KCNK10: variants seen among roughly 807,000 people sequenced by gnomAD.
KCNK10 encodes the protein potassium channel subfamily K member 10.
Under a neutral mutation model 47.7 loss-of-function variants are expected in KCNK10, and 25 were observed. The ratio of observed to expected loss-of-function variants is 0.52; its 90% CI spans 0.38 to 0.73. The LOEUF (loss-of-function observed/expected upper bound fraction) is 0.73. Ranked by LOEUF, KCNK10 falls within the 30% of genes least tolerant of loss-of-function variation. The probability of loss-of-function intolerance (pLI) is 0.00; values close to 1 mark genes in which losing one functional copy is unlikely to be tolerated. For synonymous variants in KCNK10, 303 were observed against 285.6 expected (o/e 1.06, Z -0.61); for missense variants, 563 against 714.5 (o/e 0.79, Z 2.42).
intron 4 of KCNK10, among the ~76,000 whole-genome samples, chr14:88,210,619 G>A (rs1436308576): frequency 2.6e-5 from 4 of 152,108 alleles, no homozygotes; most frequent in Non-Finnish European, 5.9e-5. Flanking sequence ...CCAAGCTGAC[G>A]AGTAGGAAGG....
At chr14:88,228,564 T>A (rs918662959) in intron 3 of KCNK10, among the ~76,000 whole-genome samples, 1 of 152,190 alleles carries the variant, frequency 6.6e-6, no homozygotes, top group African/African-American at 2.4e-5. Flanking sequence ...TCTGGGTAAA[T>A]CATGTGGGGC....
chr14:88,230,480 T>C (rs958131771), intron 3 of KCNK10, among the ~76,000 whole-genome samples: 2 of 152,250 alleles, frequency 1.3e-5, no homozygotes, highest in Admixed American at 6.5e-5. Context: ...GACTTGTGCC[T>C]GAGGAGTGCA....
chr14:88,192,927 C>T (rs932885920), intron 4 of KCNK10, among the ~76,000 whole-genome samples: 4 of 152,242 alleles, frequency 2.6e-5, no homozygotes, highest in East Asian at 3.9e-4. Context: ...TTGGATGAAA[C>T]GGAAAACACA....
Position 88,185,569 on chromosome 14 carries a change from G to T in KCNK10, c.1598C>A (p.Pro533Gln), listed in dbSNP as rs145836812. ...GTCTTCAAGTAATGAGTTGTTCTCC[G>T]GCTCCCGGTCTTTGGTGTCCGTGGG... ...MIPTDTKDRE[P>Q]ENNSLLEDRN The change falls in exon 7 of 7, where the codon CCG (proline) becomes CAG (glutamine). Residue 533 changes from proline to glutamine, a missense_variant. Physicochemically the swap from Pro to Gln is moderately conservative, Grantham distance 76. Coordinates refer to ENST00000319231, the MANE Select transcript of KCNK10 (RefSeq NM_138317.3). The surrounding 1 kb of genome is among the most constrained non-coding windows in gnomAD (Gnocchi z 4.3). 6.2e-7 allele frequency: 1 copy of T among 1,613,780 alleles called. No individual in the cohort carries two copies. Among genetic ancestry groups the T allele is most frequent in the Non-Finnish European group, 8.5e-7 (1 of 1,179,836 alleles).
chr14:88,321,430 A>C (rs938042494), intron 1 of KCNK10, among the ~76,000 whole-genome samples: 1 of 152,162 alleles, frequency 6.6e-6, no homozygotes, highest in African/African-American at 2.4e-5. Flanking sequence ...CCCTCACTGT[A>C]AACTCCAAGT....
intron 4 of KCNK10, among the ~76,000 whole-genome samples, chr14:88,196,672 G>A (rs1368761073): frequency 6.6e-6 from 1 of 152,178 alleles, no homozygotes; most frequent in Non-Finnish European, 1.5e-5. Context: ...AGACACTGCG[G>A]TAAAAATCCT....
intron 1 of KCNK10, among the ~76,000 whole-genome samples, chr14:88,296,228 G>A (rs908889087): frequency 1.3e-5 from 2 of 152,124 alleles, no homozygotes; most frequent in African/African-American, 4.8e-5. Context: ...ACTGGAAGTG[G>A]AGCAGACCTT....
chr14:88,264,218 T>C (rs1206814851), intron 1 of KCNK10, among the ~76,000 whole-genome samples: 3 of 152,244 alleles, frequency 2.0e-5, no homozygotes, highest in East Asian at 3.8e-4. Flanking sequence ...CATAGAATTC[T>C]CTAAGGTCCC....
Position 88,227,441 on chromosome 14 carries a change from A to G in KCNK10, c.615T>C (p.Ala205=), listed in dbSNP as rs1484420954. 6.2e-7 allele frequency: 1 copy of G among 1,613,688 alleles called. No homozygotes were observed. The highest frequency in any genetic ancestry group is 2.2e-5 in the East Asian group (1 of 44,876). ...FGIPLFGFLL[A]GIGDQLGTIF... is the part of the protein sequence containing the mutation. ...TGGTTCCAAGTTGGTCTCCAATTCC[A>G]GCCAATAAGAAACCAAAGAGTGGAA... Residue 205 remains alanine (A), a synonymous_variant, in exon 4 of 7, where the codon GCT becomes GCC. Transcript: ENST00000319231.
chr14:88,320,033 T>A (rs946217315), intron 1 of KCNK10, among the ~76,000 whole-genome samples: 3 of 152,136 alleles, frequency 2.0e-5, no homozygotes, highest in Non-Finnish European at 4.4e-5. Flanking sequence ...CCCTCCTCCA[T>A]CCCCTGGCTA....
intron 2 of KCNK10, among the ~76,000 whole-genome samples, chr14:88,255,056 G>T (rs1886908762): frequency 6.6e-6 from 1 of 152,182 alleles, no homozygotes. Context: ...TAACGTCCAT[G>T]ATCATTCCCC....
intron 1 of KCNK10, among the ~76,000 whole-genome samples, chr14:88,314,572 C>T (rs1369280932): frequency 1.3e-5 from 2 of 152,208 alleles, no homozygotes; most frequent in Non-Finnish European, 2.9e-5. Context: ...TCTGAGTTAA[C>T]CAGGACAGCC....
At chr14:88,187,145 T>A (rs1160487474) in intron 6 of KCNK10, among the ~76,000 whole-genome samples, 1 of 152,150 alleles carries the variant, frequency 6.6e-6, no homozygotes, top group East Asian at 1.9e-4. Context: ...ACCAGGAAAA[T>A]TAGCATATGG....
At chr14:88,235,101 A>ATCT in intron 3 of KCNK10, 1 of 456,654 alleles carries the variant, frequency 2.2e-6, no homozygotes. Flanking sequence ...TTCAGAAAAC[A>ATCT]GGGAGGTAGG....
At chr14:88,191,082 CA>C (rs1566678874) in intron 5 of KCNK10, among the ~76,000 whole-genome samples, 1 of 151,726 alleles carries the variant, frequency 6.6e-6, no homozygotes, top group Non-Finnish European at 1.5e-5. Context: ...ACGAAAAATA[CA>C]AAAAATGAAA....
intron 1 of KCNK10, among the ~76,000 whole-genome samples, chr14:88,266,435 C>T (rs573072158): frequency 1.1e-4 from 17 of 152,366 alleles, no homozygotes; most frequent in Middle Eastern, 3.4e-3. Flanking sequence ...TCTATGAAGT[C>T]GTCCTGGGCT....
intron 4 of KCNK10, among the ~76,000 whole-genome samples, chr14:88,196,853 T>C (rs542410069): frequency 2.6e-5 from 4 of 152,362 alleles, no homozygotes; most frequent in African/African-American, 7.2e-5. Flanking sequence ...ACATGTTTTC[T>C]TCCAAGATTT....
chr14:88,232,803 G>T (rs569408764), intron 3 of KCNK10, among the ~76,000 whole-genome samples: 1 of 152,206 alleles, frequency 6.6e-6, no homozygotes, highest in Non-Finnish European at 1.5e-5. Context: ...TTCCTGTTCA[G>T]CATCCACCTT....
At chr14:88,275,111 C>T (rs1887499025) in intron 1 of KCNK10, among the ~76,000 whole-genome samples, 1 of 152,176 alleles carries the variant, frequency 6.6e-6, no homozygotes, top group African/African-American at 2.4e-5. Flanking sequence ...TCCCTGAGGA[C>T]ACTGTGCTGT....
Sources: gnomAD v4.1 joint callset for allele counts (sites outside exome capture counted in the v4.1 genomes callset) on GRCh38, gnomAD v4.1.1 for gene constraint, Gnocchi (gnomAD v3.1) non-coding constraint, MANE v1.5 for transcripts, NCBI Gene and HGNC (gene_info 2026-07-23, HGNC 2026-07-21) for gene names.